ITLN1: variants seen among roughly 807,000 people sequenced by gnomAD.
The protein encoded by ITLN1 is intelectin 1, also known as intelectin-1.
ITLN1 carries 29 observed loss-of-function variants against 36.2 expected under a neutral mutation model. The observed-to-expected ratio is 0.80, with a 90% CI of 0.60 to 1.09. The LOEUF (loss-of-function observed/expected upper bound fraction) is 1.09. Among genes scored for constraint, ITLN1 ranks in the 50% least tolerant of loss-of-function variants. The pLI is 0.00. For synonymous variants in ITLN1, 143 were observed against 146.5 expected, an observed-to-expected ratio of 0.98 and a Z score of 0.17; for missense variants, 358 against 405.2, an observed-to-expected ratio of 0.88 and a Z score of 1.00.
chr1:160,882,756 A>C (rs979385128), intron 3 of ITLN1, among the ~76,000 whole-genome samples: 1 of 152,324 alleles, frequency 6.6e-6, no homozygotes, highest in East Asian at 1.9e-4. Flanking sequence ...CTCCAATTAC[A>C]TGAGGTAACT....
chr1:160,876,864 A>C, intron 7 of ITLN1, 48 bp from the exon 8 acceptor site: 1 of 1,582,770 alleles, frequency 6.3e-7, no homozygotes, highest in Non-Finnish European at 8.6e-7. Flanking sequence ...TCTGCCAGTG[A>C]GGCCAATGCC....
intron 6 of ITLN1, 109 bp downstream of exon 6, chr1:160,880,479 G>A (rs969950969): frequency 8.9e-7 from 1 of 1,129,728 alleles, no homozygotes; most frequent in East Asian, 2.4e-5. Flanking sequence ...GCAATATAGG[G>A]AACATTACAG....
In ITLN1 at chr1:160,881,238, G is replaced by A. The variant is rs759439157; in HGVS notation, c.480C>T (p.His160=). 7 of 1,613,648 alleles carry A rather than the reference G, an allele frequency of 4.3e-6. No individual in the cohort carries two copies. Among genetic ancestry groups the A allele is most frequent in the Non-Finnish European group, 5.9e-6 (7 of 1,179,778 alleles). Residue 160 remains histidine, a synonymous_variant, in exon 5 of 8, where the codon CAC becomes CAT. Coordinates refer to ENST00000326245, the MANE Select transcript of ITLN1 (RefSeq NM_017625.3). The part of the protein sequence containing the change: ...WHVPNKSPMQ[H]WRNSSLLRYR... Reference sequence around the variant, plus strand: ...ACCTCAGCAGGGAGCTGTTTCTCCAGTGCTGCATGGGGGACTTATTGGGCA... The same window carrying A: ...ACCTCAGCAGGGAGCTGTTTCTCCAATGCTGCATGGGGGACTTATTGGGCA...
At chr1:160,883,354 A>G in intron 3 of ITLN1, 74 bp downstream of exon 3, 1 of 1,016,274 alleles carries the variant, frequency 9.8e-7, no homozygotes, top group Non-Finnish European at 1.5e-6. Context: ...TTTTTAACTA[A>G]AAGACAAAAA....
Position 160,881,172 on chromosome 1 carries a change from A to G in ITLN1, c.546T>C (p.Asn182=). The part of the protein sequence containing the change: ...DTGFLQTLGH[N]LFGIYQKYPV... Reference sequence around the variant, plus strand: ...TCTGTACCTGGTAGATGCCAAACAGATTATGTCCCAGTGTCTGGAGGAAGC... The same window carrying G: ...TCTGTACCTGGTAGATGCCAAACAGGTTATGTCCCAGTGTCTGGAGGAAGC... The change falls in exon 5 of 8, where the codon AAT becomes AAC. Residue 182 remains asparagine (N), a synonymous_variant. Transcript: ENST00000326245. The G allele has an allele frequency of 4.3e-6, 7 of 1,611,862 alleles. No homozygotes were observed. Among genetic ancestry groups the G allele is most frequent in the African/African-American group, 1.3e-5 (1 of 74,974 alleles).
In ITLN1 at chr1:160,883,250, T is replaced by A. The variant is rs540646376; in HGVS notation, c.157+178A>T. 3.9e-5 allele frequency among the ~76,000 whole-genome samples: 6 copies of A among 152,326 alleles called. No individual in the cohort carries two copies. In the South Asian group the frequency reaches 1.2e-3, roughly 32 times the overall value. On this transcript the variant is annotated intron_variant, in intron 3 of 7. Coordinates refer to ENST00000326245, the MANE Select transcript of ITLN1 (RefSeq NM_017625.3). ...GGATAGCTGTGATGGTTGCACAACC[T>A]TGAAGGTAATTAATGCCACTGAATT...
At chr1:160,878,299 T>C (rs1170368395) in intron 7 of ITLN1, among the ~76,000 whole-genome samples, 2 of 152,164 alleles carry the variant, frequency 1.3e-5, no homozygotes, top group Non-Finnish European at 2.9e-5. Context: ...GAAGCCGCTA[T>C]ACTTACGGTA....
At chr1:160,882,605 T>C (rs558695224) in intron 3 of ITLN1, among the ~76,000 whole-genome samples, 1 of 152,216 alleles carries the variant, frequency 6.6e-6, no homozygotes, top group East Asian at 1.9e-4. Flanking sequence ...GGTGAATGAA[T>C]AAACAAAACA....
At chr1:160,878,561 A>G (rs1313414796) in intron 7 of ITLN1, among the ~76,000 whole-genome samples, 1 of 151,756 alleles carries the variant, frequency 6.6e-6, no homozygotes, top group South Asian at 2.1e-4. Flanking sequence ...TAATTTTTGT[A>G]TTTTTTGTAA....
chr1:160,881,205 C>G lies in ITLN1; in HGVS notation c.513G>C (p.Thr171=), dbSNP rs142129957. 1.7e-5 allele frequency: 27 copies of G among 1,613,508 alleles called. No homozygotes were observed. The African/African-American group carries it at 3.1e-4, about 18-fold the overall frequency. The change falls in exon 5 of 8, where the codon ACG becomes ACC. Residue 171 remains threonine (T), a synonymous_variant. Transcript: ENST00000326245. ...CCAGTGTCTGGAGGAAGCCAGTGTC[C>G]GTGCGGTACCTCAGCAGGGAGCTGT... ...WRNSSLLRYR[T]DTGFLQTLGH...
At chr1:160,878,626 T>C (rs886235721) in intron 7 of ITLN1, among the ~76,000 whole-genome samples, 22 of 152,250 alleles carry the variant, frequency 1.4e-4, no homozygotes, top group African/African-American at 5.1e-4. Flanking sequence ...ACTCAAGAGA[T>C]CCACCTGCCT....
intron 6 of ITLN1, among the ~76,000 whole-genome samples, chr1:160,880,046 C>G (rs1379417701): frequency 6.6e-6 from 1 of 152,134 alleles, no homozygotes; most frequent in African/African-American, 2.4e-5. Context: ...TGGCTCACAC[C>G]TGTAATCCCA....
chr1:160,880,862 A>C (rs1670663542), intron 5 of ITLN1, among the ~76,000 whole-genome samples, 154 bp from the exon 6 acceptor site: 1 of 152,222 alleles, frequency 6.6e-6, no homozygotes. Context: ...TTTCCATGAC[A>C]CTGCTGCCAG....
At position 160,879,297 on chromosome 1, in the gene ITLN1, CCA is replaced by C; in HGVS notation, c.789+12_789+13del. On this transcript the variant is annotated intron_variant, in intron 7 of 7. Coordinates refer to ENST00000326245, the MANE Select transcript of ITLN1 (RefSeq NM_017625.3). ...CCTTACTCACAGGTCCCTGCAGTCCCCACAGAGACTCACGTGCTCAGTGTTAC... is the reference window on the plus strand; with the variant it reads ...CCTTACTCACAGGTCCCTGCAGTCCCCAGAGACTCACGTGCTCAGTGTTAC... 6.2e-7 allele frequency: 1 copy of C among 1,602,316 alleles called. No homozygotes were observed. Among genetic ancestry groups the C allele is most frequent in the Non-Finnish European group, 8.6e-7 (1 of 1,169,286 alleles).
At chr1:160,877,376 G>T (rs1261971226) in intron 7 of ITLN1, among the ~76,000 whole-genome samples, 1 of 152,096 alleles carries the variant, frequency 6.6e-6, no homozygotes, top group East Asian at 1.9e-4. Flanking sequence ...CTGCTCCCTA[G>T]TGGAGGACCT....
At chr1:160,880,173 TG>T (rs768659141) in intron 6 of ITLN1, among the ~76,000 whole-genome samples, 6 of 151,974 alleles carry the variant, frequency 3.9e-5, no homozygotes, top group Non-Finnish European at 8.8e-5. Flanking sequence ...GGCGTGGTGG[TG>T]GGCACCTGTA....
intron 5 of ITLN1, 36 bp downstream of exon 5, chr1:160,881,118 C>G (rs975577262): frequency 1.3e-6 from 2 of 1,565,990 alleles, no homozygotes; most frequent in African/African-American, 1.4e-5. Context: ...CTCTGTACAC[C>G]CATGAAAACC....
At chr1:160,879,851 C>T (rs995802779) in intron 6 of ITLN1, among the ~76,000 whole-genome samples, 31 of 152,292 alleles carry the variant, frequency 2.0e-4, no homozygotes, top group African/African-American at 5.8e-4. Flanking sequence ...TCAGCCTCTG[C>T]GGAGCGTACT....
chr1:160,878,231 T>C (rs146540628), intron 7 of ITLN1, among the ~76,000 whole-genome samples: 96 of 152,062 alleles, frequency 6.3e-4, no homozygotes, highest in Middle Eastern at 6.8e-3. Context: ...GGGAGACACC[T>C]CACTCCTTTT....
Sources: gnomAD v4.1 joint callset for allele counts (sites outside exome capture counted in the v4.1 genomes callset) on GRCh38, gnomAD v4.1.1 for gene constraint, MANE v1.5 for transcripts, NCBI Gene and HGNC (gene_info 2026-07-23, HGNC 2026-07-21) for gene names.